Variants in RIN3 observed in about 807,000 individuals in gnomAD.
The protein encoded by RIN3 is Ras and Rab interactor 3, also known as RAB5 interacting protein 3.
A neutral mutation model predicts 76.3 loss-of-function variants in RIN3; 54 were observed. That is an observed-to-expected ratio of 0.71 (90% confidence interval 0.57 to 0.89). RIN3 has a LOEUF of 0.89. Ranked by LOEUF, RIN3 falls within the 40% of genes least tolerant of loss-of-function variation. RIN3 has a pLI of 0.00. For missense variants in RIN3, 1,256 were observed against 1,322.1 expected, an observed-to-expected ratio of 0.95 and a Z score of 0.78; for synonymous variants, 576 against 564.0, an observed-to-expected ratio of 1.02 and a Z score of -0.30.
At chr14:92,545,115 T>TG (rs1897229203) in intron 1 of RIN3, among the ~76,000 whole-genome samples, 2 of 142,462 alleles carry the variant, frequency 1.4e-5, no homozygotes, top group South Asian at 2.3e-4. Flanking sequence ...TGTTTTTTTT[T>TG]TTTTTTTTTT....
At chr14:92,612,654 C>T (rs966563248) in intron 3 of RIN3, among the ~76,000 whole-genome samples, 4 of 152,174 alleles carry the variant, frequency 2.6e-5, no homozygotes, top group African/African-American at 9.7e-5. Context: ...GTGTTGCCTT[C>T]GTGTGAAGAG....
chr14:92,550,627 C>T (rs1025177878), intron 1 of RIN3, among the ~76,000 whole-genome samples: 1 of 152,154 alleles, frequency 6.6e-6, no homozygotes, highest in African/African-American at 2.4e-5. Context: ...CTATATTTCC[C>T]AGGCTGGTCT....
chr14:92,515,229 G>T (rs1396171028), intron 1 of RIN3: 3 of 700,088 alleles, frequency 4.3e-6, no homozygotes, highest in Non-Finnish European at 7.8e-6. Flanking sequence ...AATACCATCC[G>T]GTGGGAAGAA....
At chr14:92,556,878 G>A (rs371087973) in intron 2 of RIN3, among the ~76,000 whole-genome samples, 1 of 151,990 alleles carries the variant, frequency 6.6e-6, no homozygotes, top group Non-Finnish European at 1.5e-5. Flanking sequence ...TTTTAATTGA[G>A]ATGAAATTCA....
chr14:92,563,861 G>T (rs1045145642), intron 2 of RIN3, among the ~76,000 whole-genome samples: 1 of 152,168 alleles, frequency 6.6e-6, no homozygotes, highest in African/African-American at 2.4e-5. Flanking sequence ...AGTCCTCAGT[G>T]GTTCTGAGGA....
At chr14:92,614,899 T>C (rs1465858748) in intron 3 of RIN3, among the ~76,000 whole-genome samples, 5 of 148,852 alleles carry the variant, frequency 3.4e-5, no homozygotes, top group Non-Finnish European at 7.4e-5. Flanking sequence ...GGCGAAATGC[T>C]GTGGTGCAGT....
chr14:92,662,637 C>T (rs954736537), intron 7 of RIN3, among the ~76,000 whole-genome samples: 1 of 152,144 alleles, frequency 6.6e-6, no homozygotes, highest in Admixed American at 6.5e-5. Flanking sequence ...TTAGGGAAAT[C>T]GTTTCCCCTG....
chr14:92,592,131 G>A (rs1344492369), intron 3 of RIN3, among the ~76,000 whole-genome samples: 1 of 152,162 alleles, frequency 6.6e-6, no homozygotes, highest in Non-Finnish European at 1.5e-5. Flanking sequence ...ATCAGGTGCA[G>A]TGGCTCACAC....
chr14:92,651,037 A>T (rs1887396665), intron 5 of RIN3: 1 of 152,442 alleles, frequency 6.6e-6, no homozygotes, highest in Non-Finnish European at 1.5e-5. Context: ...CTTCCCACAT[A>T]TAATAACCAT....
At chr14:92,621,160 C>T (rs73330136) in intron 4 of RIN3, among the ~76,000 whole-genome samples, 15,695 of 137,782 alleles carry the variant, frequency 0.11, 971 homozygotes, top group Middle Eastern at 0.22. Context: ...GGCGTGAACC[C>T]GGAAGGCGGA....
At chr14:92,583,763 A>G (rs541795274) in intron 3 of RIN3, among the ~76,000 whole-genome samples, 47 of 152,338 alleles carry the variant, frequency 3.1e-4, no homozygotes, top group Non-Finnish European at 6.2e-4. Context: ...TAATGGCTGC[A>G]TAGTATTCCA....
At chr14:92,569,138 C>T (rs1444738042) in intron 2 of RIN3, among the ~76,000 whole-genome samples, 2 of 152,248 alleles carry the variant, frequency 1.3e-5, no homozygotes, top group African/African-American at 4.8e-5. Flanking sequence ...TTCGCCTCCT[C>T]TTGCCCTGGA....
chr14:92,631,137 C>T (rs1886564155), intron 4 of RIN3, among the ~76,000 whole-genome samples: 1 of 152,214 alleles, frequency 6.6e-6, no homozygotes, highest in Non-Finnish European at 1.5e-5. Context: ...TCCCCAGCAC[C>T]ATGCTGAACC....
intron 1 of RIN3, among the ~76,000 whole-genome samples, chr14:92,546,116 G>A (rs1247510595): frequency 6.6e-6 from 1 of 151,980 alleles, no homozygotes; most frequent in Non-Finnish European, 1.5e-5. Context: ...GTAGAGACAG[G>A]GTTTCACCGT....
chr14:92,577,583 T>TA, intron 3 of RIN3, 106 bp downstream of exon 3: 1 of 644,784 alleles, frequency 1.6e-6, no homozygotes, highest in Non-Finnish European at 2.8e-6. Flanking sequence ...TGATGGTGTT[T>TA]AAAATTAGAA....
rs367897044 is a variant in RIN3 at position 92,652,393 on chromosome 14, G to C, written c.1344G>C (p.Glu448Asp). ...CCAGCGATCCTCACAGCATGCCAGA[G>C]CTGCCCAGGACAGCCAAACAACCCC... is the stretch of plus-strand genomic sequence containing the variant. The part of the protein sequence containing the change: ...VKASDPHSMP[E>D]LPRTAKQPPV... Residue 448 changes from glutamate to aspartate, a missense_variant, in exon 6 of 10, where the codon GAG becomes GAC. Transcript: ENST00000216487. The surrounding 1 kb of genome is among the most constrained non-coding windows in gnomAD (Gnocchi z 6.4). 6.2e-7 allele frequency: 1 copy of C among 1,612,336 alleles called. No individual in the cohort carries two copies. The highest frequency in any genetic ancestry group is 8.5e-7 in the Non-Finnish European group (1 of 1,179,190).
chr14:92,624,338 G>C (rs1886278934), intron 4 of RIN3, among the ~76,000 whole-genome samples: 2 of 152,190 alleles, frequency 1.3e-5, no homozygotes, highest in Non-Finnish European at 2.9e-5. Flanking sequence ...TCTTACATCT[G>C]CTCCCATACC....
intron 2 of RIN3, among the ~76,000 whole-genome samples, chr14:92,567,132 G>A (rs747880204): frequency 7.9e-5 from 12 of 152,146 alleles, no homozygotes; most frequent in Non-Finnish European, 1.8e-4. Context: ...GCTGTAGAGT[G>A]AGGGGCTGGA....
rs898467850 is a variant in RIN3 at position 92,573,790 on chromosome 14, G to A, written c.250-3570G>A. Among the ~76,000 whole-genome samples the A allele has an allele frequency of 4.6e-5, 7 of 152,220 alleles. No homozygotes were observed. In the East Asian group the frequency reaches 9.6e-4, roughly 21 times the overall value. ...TCCCATGGGCCTGGTGGCCAAGGAGGCAGCTCCACCTTGAACCTCCATAGA... is the reference window on the plus strand; with the variant it reads ...TCCCATGGGCCTGGTGGCCAAGGAGACAGCTCCACCTTGAACCTCCATAGA... On this transcript the variant is annotated intron_variant, in intron 2 of 9. Transcript: ENST00000216487.
Sources: allele counts gnomAD v4.1 joint callset (sites outside exome capture counted in the v4.1 genomes callset), GRCh38; gene constraint gnomAD v4.1.1; non-coding constraint Gnocchi (gnomAD v3.1); transcripts MANE v1.5; gene names NCBI Gene and HGNC (gene_info 2026-07-23, HGNC 2026-07-21).